OSBPL9: variants seen among roughly 807,000 people sequenced by gnomAD.
OSBPL9 encodes oxysterol-binding protein-related protein 9.
A neutral mutation model predicts 106.6 loss-of-function variants in OSBPL9; 40 were observed. The observed-to-expected ratio is 0.38, with a 90% CI of 0.29 to 0.49. OSBPL9 has a LOEUF of 0.49. Among genes scored for constraint, OSBPL9 ranks in the 20% least tolerant of loss-of-function variants. The pLI, the probability that OSBPL9 is intolerant of heterozygous loss-of-function variation, is 0.97. For missense variants in OSBPL9, 609 were observed against 887.2 expected, an observed-to-expected ratio of 0.69 and a Z score of 3.98; for synonymous variants, 269 against 295.4, an observed-to-expected ratio of 0.91 and a Z score of 0.92.
At chr1:51,538,651 G>C in the OSBPL9 span, 3 of 152,052 alleles carry the variant, frequency 2.0e-5, no homozygotes, top group East Asian at 5.8e-4. Flanking sequence ...TCACAGATGT[G>C]TCATCCTTGT....
the OSBPL9 span, among the ~76,000 whole-genome samples, chr1:51,558,063 G>T: frequency 6.6e-6 from 1 of 152,104 alleles, no homozygotes; most frequent in Non-Finnish European, 1.5e-5. Context: ...GGCAGATCAC[G>T]AGGTCAGGAG....
chr1:51,550,499 G>T, the OSBPL9 span, among the ~76,000 whole-genome samples: 1 of 151,952 alleles, frequency 6.6e-6, no homozygotes, highest in Admixed American at 6.6e-5. Flanking sequence ...TAATACATAC[G>T]TTTTTATTTT....
chr1:51,715,749 T>C (rs547392744), intron 4 of OSBPL9, among the ~76,000 whole-genome samples: 2 of 152,338 alleles, frequency 1.3e-5, no homozygotes, highest in African/African-American at 4.8e-5. Flanking sequence ...TGCTATTGCT[T>C]ACTTGCTTTC....
At chr1:51,539,889 T>TAG in the OSBPL9 span, among the ~76,000 whole-genome samples, 1 of 152,220 alleles carries the variant, frequency 6.6e-6, no homozygotes, top group African/African-American at 2.4e-5. Context: ...TACCAAGGCC[T>TAG]AGAGAGGCCT....
At chr1:51,660,323 C>G (rs928949006) in intron 2 of OSBPL9, among the ~76,000 whole-genome samples, 5 of 151,850 alleles carry the variant, frequency 3.3e-5, no homozygotes, top group African/African-American at 9.7e-5. Context: ...AATTTAAAAC[C>G]TTTGAACAAA....
At chr1:51,565,004 G>T in the OSBPL9 span, among the ~76,000 whole-genome samples, 6 of 152,176 alleles carry the variant, frequency 3.9e-5, no homozygotes, top group African/African-American at 7.2e-5. Flanking sequence ...CAGACACTTT[G>T]CCTGATCATC....
At chr1:51,721,155 T>G (rs1405720577) in intron 4 of OSBPL9, among the ~76,000 whole-genome samples, 2 of 151,456 alleles carry the variant, frequency 1.3e-5, no homozygotes, top group South Asian at 2.1e-4. Context: ...TTTTTTTTTT[T>G]GTCGTCACTA....
the OSBPL9 span, among the ~76,000 whole-genome samples, chr1:51,549,704 C>T: frequency 4.6e-5 from 7 of 152,172 alleles, no homozygotes; most frequent in East Asian, 5.8e-4. Flanking sequence ...TGGTGGCACA[C>T]GCCTGTACTC....
intron 3 of OSBPL9, among the ~76,000 whole-genome samples, chr1:51,676,396 C>T (rs1193608642): frequency 1.3e-5 from 2 of 151,858 alleles, no homozygotes; most frequent in East Asian, 1.9e-4. Flanking sequence ...CACCATTGCA[C>T]CCCCGCCTGG....
intron 7 of OSBPL9, 101 bp from the exon 8 acceptor site, chr1:51,750,044 T>TA (rs1172508396): frequency 1.3e-6 from 1 of 788,058 alleles, no homozygotes; most frequent in Non-Finnish European, 2.0e-6. Context: ...AGTATAGACT[T>TA]AAACTCTATA....
chr1:51,661,336 A>G (rs886391179), intron 2 of OSBPL9, among the ~76,000 whole-genome samples: 1 of 152,138 alleles, frequency 6.6e-6, no homozygotes, highest in African/African-American at 2.4e-5. Flanking sequence ...CTCTTTTTTT[A>G]CCCCAAGCCG....
At chr1:51,710,830 A>T (rs1659643733) in intron 3 of OSBPL9, among the ~76,000 whole-genome samples, 1 of 152,060 alleles carries the variant, frequency 6.6e-6, no homozygotes, top group South Asian at 2.1e-4. Context: ...ATTTTTACTG[A>T]GATGTGCCCA....
intron 1 of OSBPL9, among the ~76,000 whole-genome samples, chr1:51,580,893 T>C (rs1275070435): frequency 0.22 from 31 of 138 alleles, no homozygotes; most frequent in Admixed American, 0.31. Flanking sequence ...TTCTAGCCAT[T>C]ATATATATAT....
At chr1:51,738,453 G>T (rs1225477375) in intron 4 of OSBPL9, among the ~76,000 whole-genome samples, 1 of 151,932 alleles carries the variant, frequency 6.6e-6, no homozygotes, top group African/African-American at 2.4e-5. Flanking sequence ...TCAAAAATTA[G>T]ATTCTTTTAT....
At chr1:51,704,264 C>T (rs1351092072) in intron 3 of OSBPL9, among the ~76,000 whole-genome samples, 1 of 152,120 alleles carries the variant, frequency 6.6e-6, no homozygotes, top group Non-Finnish European at 1.5e-5. Context: ...TCCATCTGGT[C>T]CTGGGCTTTT....
chr1:51,768,035 G>A (rs566808862), intron 12 of OSBPL9, among the ~76,000 whole-genome samples: 47 of 130,674 alleles, frequency 3.6e-4, no homozygotes, highest in African/African-American at 1.3e-3. Context: ...TCCGCCTCCC[G>A]GGTTCACGCC....
intron 8 of OSBPL9, among the ~76,000 whole-genome samples, chr1:51,755,156 A>G (rs1361145676): frequency 6.6e-6 from 1 of 152,080 alleles, no homozygotes; most frequent in Non-Finnish European, 1.5e-5. Context: ...AGTCTATGGT[A>G]TTTTGTTATG....
intron 1 of OSBPL9, among the ~76,000 whole-genome samples, chr1:51,622,338 A>G (rs1172408000): frequency 1.3e-5 from 2 of 152,214 alleles, no homozygotes; most frequent in Non-Finnish European, 2.9e-5. Flanking sequence ...AGTTTTTCAT[A>G]TATGGAGAGT....
intron 1 of OSBPL9, among the ~76,000 whole-genome samples, chr1:51,580,134 C>CT (rs1645212530): frequency 6.6e-6 from 1 of 152,156 alleles, no homozygotes; most frequent in African/African-American, 2.4e-5. Flanking sequence ...GCCTGCCAGT[C>CT]TACCTGTATG....
Sources: allele counts gnomAD v4.1 joint callset (sites outside exome capture counted in the v4.1 genomes callset), GRCh38; gene constraint gnomAD v4.1.1; transcripts MANE v1.5; gene names NCBI Gene and HGNC (gene_info 2026-07-23, HGNC 2026-07-21).